Variants in DISC1 observed in about 807,000 individuals in gnomAD.
The protein encoded by DISC1 is DISC1 scaffold protein, also known as disrupted in schizophrenia 1 protein.
Under a neutral mutation model 84.5 loss-of-function variants are expected in DISC1, and 57 were observed. That is an observed-to-expected ratio of 0.67 (90% CI 0.55 to 0.84). DISC1 has a LOEUF of 0.84. DISC1 is among the 40% of genes least tolerant of loss of function. The probability of loss-of-function intolerance (pLI) is 0.00; values close to 1 mark genes in which losing one functional copy is unlikely to be tolerated. For missense variants in DISC1, 1,000 were observed against 1,057.8 expected (o/e 0.95, Z 0.76); for synonymous variants, 411 against 415.2 (o/e 0.99, Z 0.12).
intron 6 of DISC1, among the ~76,000 whole-genome samples, chr1:231,785,032 G>A (rs1202770253): frequency 6.6e-6 from 1 of 152,152 alleles, no homozygotes; most frequent in Non-Finnish European, 1.5e-5. Context: ...CTCCATGAAT[G>A]TCCGATGGGT....
At chr1:231,665,412 A>T (rs1456365783) in intron 1 of DISC1, among the ~76,000 whole-genome samples, 2 of 152,254 alleles carry the variant, frequency 1.3e-5, no homozygotes, top group Non-Finnish European at 2.9e-5. Flanking sequence ...AGCAGAGAAA[A>T]GTCATGACAT....
intron 9 of DISC1, among the ~76,000 whole-genome samples, chr1:231,894,771 GTGT>G: frequency 6.6e-6 from 1 of 150,812 alleles, no homozygotes; most frequent in African/African-American, 2.4e-5. Context: ...GTGTGTGTGT[GTGT>G]GTGTGCATCT....
At chr1:232,016,052 TC>T (rs1470001171) in intron 11 of DISC1, among the ~76,000 whole-genome samples, 3 of 152,134 alleles carry the variant, frequency 2.0e-5, no homozygotes, top group African/African-American at 7.2e-5. Flanking sequence ...TCTATCTCTT[TC>T]CAGCAAACTA....
intron 10 of DISC1, among the ~76,000 whole-genome samples, chr1:232,003,099 TA>T (rs978187985): frequency 3.3e-5 from 5 of 152,294 alleles, no homozygotes; most frequent in Non-Finnish European, 7.4e-5. Context: ...GGAATTTTTT[TA>T]ATTGAAAGAC....
chr1:232,021,007 A>G (rs1668905057), intron 11 of DISC1, among the ~76,000 whole-genome samples: 2 of 152,226 alleles, frequency 1.3e-5, no homozygotes, highest in Non-Finnish European at 2.9e-5. Context: ...AGACTATGCC[A>G]TCCTGTGTGA....
At chr1:231,760,557 T>C (rs535196592) in intron 4 of DISC1, among the ~76,000 whole-genome samples, 13 of 152,334 alleles carry the variant, frequency 8.5e-5, no homozygotes, top group Admixed American at 6.5e-4. Flanking sequence ...AACATCGGCC[T>C]TGTTAGTTTT....
chr1:231,806,112 A>C (rs1183047403), intron 8 of DISC1, among the ~76,000 whole-genome samples: 1 of 152,254 alleles, frequency 6.6e-6, no homozygotes, highest in Non-Finnish European at 1.5e-5. Flanking sequence ...ATAATGTGGT[A>C]CATCAGTATA....
chr1:231,787,691 A>G (rs960021088), intron 6 of DISC1, among the ~76,000 whole-genome samples: 3 of 152,236 alleles, frequency 2.0e-5, no homozygotes, highest in African/African-American at 7.2e-5. Context: ...AAGATGAGCA[A>G]GATGCTCTAA....
chr1:231,748,028 T>C (rs1474568120), intron 3 of DISC1, among the ~76,000 whole-genome samples: 2 of 152,206 alleles, frequency 1.3e-5, no homozygotes, highest in Non-Finnish European at 2.9e-5. Context: ...TAATTTATTT[T>C]TCAGCTAGTT....
intron 9 of DISC1, among the ~76,000 whole-genome samples, chr1:231,909,776 G>A (rs997298052): frequency 2.0e-5 from 3 of 152,140 alleles, no homozygotes; most frequent in African/African-American, 4.8e-5. Context: ...TGTACGTCTC[G>A]TAGAATTTGG....
chr1:231,641,186 T>C (rs894105968), intron 1 of DISC1, among the ~76,000 whole-genome samples: 3 of 152,206 alleles, frequency 2.0e-5, no homozygotes, highest in African/African-American at 7.2e-5. Flanking sequence ...GTGTCCGGAA[T>C]TGGTGGGTTC....
At chr1:231,700,053 T>C (rs370968454) in intron 2 of DISC1, among the ~76,000 whole-genome samples, 108 of 152,318 alleles carry the variant, frequency 7.1e-4, no homozygotes, top group African/African-American at 2.3e-3. Flanking sequence ...TTTGTGTAAA[T>C]GTCACCATCT....
In DISC1 at chr1:231,991,320, G is replaced by A. The variant is rs148148315; in HGVS notation, c.2043-17465G>A. Among the ~76,000 whole-genome samples the A allele has an allele frequency of 5.0e-3, 760 of 152,346 alleles. 3 individuals carry two copies. The highest frequency in any genetic ancestry group is 6.8e-3 in the Middle Eastern group (2 of 294). On this transcript the variant is annotated intron_variant, in intron 10 of 12. Coordinates refer to ENST00000439617, the MANE Select transcript of DISC1 (RefSeq NM_018662.3). ...CATTTTACCTATAGTGCAATGTCTG[G>A]CCAGCGCCTATTCTTTCTGGGTTGA...
Position 232,036,900 on chromosome 1 carries a change from C to T in DISC1, c.*69C>T, listed in dbSNP as rs1012004529. ...CCCGGGGGGCTGCTCTTCCCTCCCC[C>T]GCCATAGCTAAGATGCCTGAATCAA... On this transcript the variant is annotated 3_prime_UTR_variant, in exon 13 of 13. Transcript: ENST00000439617. The T allele has an allele frequency of 4.0e-5, 56 of 1,406,682 alleles. No individual in the cohort carries two copies. The highest frequency in any genetic ancestry group is 3.9e-4 in the African/African-American group (27 of 70,028). 87.1% of individuals were successfully genotyped at this position (1,406,682 alleles called of 1,614,324 possible).
At chr1:231,998,732 A>C (rs1666281569) in intron 10 of DISC1, among the ~76,000 whole-genome samples, 1 of 152,370 alleles carries the variant, frequency 6.6e-6, no homozygotes. Flanking sequence ...TGAAAAGTCT[A>C]GGAGGACAGT....
chr1:231,705,773 G>T (rs2067014397), intron 3 of DISC1, among the ~76,000 whole-genome samples: 1 of 151,976 alleles, frequency 6.6e-6, no homozygotes, highest in Non-Finnish European at 1.5e-5. Flanking sequence ...GAATTGTTGA[G>T]TTTTTTTTCA....
intron 9 of DISC1, among the ~76,000 whole-genome samples, chr1:231,890,102 A>T (rs191666035): frequency 7.8e-4 from 118 of 152,248 alleles, no homozygotes; most frequent in Admixed American, 1.3e-3. Flanking sequence ...TTCTCTTTGA[A>T]TTGCTAAAAA....
intron 1 of DISC1, among the ~76,000 whole-genome samples, chr1:231,685,807 G>A (rs1217832094): frequency 6.6e-6 from 1 of 152,188 alleles, no homozygotes; most frequent in Non-Finnish European, 1.5e-5. Flanking sequence ...TCTGAGACAA[G>A]GCAATTCCCA....
chr1:231,813,026 T>C (rs2080469114), intron 8 of DISC1, among the ~76,000 whole-genome samples: 1 of 152,192 alleles, frequency 6.6e-6, no homozygotes, highest in African/African-American at 2.4e-5. Context: ...CCAAGCCTTA[T>C]CCCTCAGGAT....
Sources: allele counts gnomAD v4.1 joint callset (sites outside exome capture counted in the v4.1 genomes callset), GRCh38; gene constraint gnomAD v4.1.1; transcripts MANE v1.5; gene names NCBI Gene and HGNC (gene_info 2026-07-23, HGNC 2026-07-21).